C3orf20: variants seen among roughly 807,000 people sequenced by gnomAD.
C3orf20 encodes family with sequence similarity 149 member C.
Under a neutral mutation model 88.3 loss-of-function variants are expected in C3orf20, and 76 were observed. That is an observed-to-expected ratio of 0.86 (90% CI 0.72 to 1.04). The LOEUF (loss-of-function observed/expected upper bound fraction) is 1.04, where lower values mean the gene tolerates loss of function less well. Among genes scored for constraint, C3orf20 ranks in the 50% least tolerant of loss-of-function variants. C3orf20 has a pLI of 0.00. For synonymous variants in C3orf20, 436 were observed against 437.4 expected (o/e 1.00, Z 0.04); for missense variants, 1,056 against 1,123.3 (o/e 0.94, Z 0.86).
rs768861528 is a variant in C3orf20 at position 14,704,393 on chromosome 3, G to A, written c.935G>A (p.Arg312Gln). ...GRNISYPMIL[R>Q]NYKAKMPSHL... ...AATATCTCCTACCCCATGATCTTAC[G>A]AAACTACAAGGCAAAGATGCCCTCT... is the stretch of plus-strand genomic sequence containing the variant. Residue 312 changes from arginine (R) to glutamine (Q), a missense_variant, in exon 7 of 17, where the codon CGA (arginine) becomes CAA (glutamine). Transcript: ENST00000253697. The A allele has an allele frequency of 4.3e-5, 70 of 1,613,964 alleles. No individual in the cohort carries two copies. The highest frequency in any genetic ancestry group is 1.6e-4 in the Middle Eastern group (1 of 6,084).
intron 4 of C3orf20, 37 bp downstream of exon 4, chr3:14,684,419 C>A: frequency 6.2e-7 from 1 of 1,600,216 alleles, no homozygotes; most frequent in Non-Finnish European, 8.5e-7. Flanking sequence ...GTAAGAAGTG[C>A]AAACAATATC....
chr3:14,738,630 CTTTT>C (rs34407504), intron 12 of C3orf20, among the ~76,000 whole-genome samples: 1 of 73,482 alleles, frequency 1.4e-5, no homozygotes, highest in African/African-American at 6.3e-5. Context: ...CATGCCCGGC[CTTTT>C]TTTTTTTTTT....
rs3034633 is a variant in C3orf20, at chr3:14,689,085, G to GTA, written c.626-901_626-900dup. ...AGGGATCATTGGAGCAGAGGTCTCA[G>GTA]TATATATATATAGCTCTTCTTCTGA... On this transcript the variant is annotated intron_variant, in intron 4 of 16. Coordinates refer to ENST00000253697, the MANE Select transcript of C3orf20 (RefSeq NM_032137.5). Among the ~76,000 whole-genome samples, 1,432 of 151,916 alleles carry GTA rather than the reference G, an allele frequency of 9.4e-3. 23 individuals are homozygous for GTA. Among genetic ancestry groups the GTA allele is most frequent in the African/African-American group, 0.033 (1,345 of 41,384 alleles).
chr3:14,700,887 C>T (rs1428690350), intron 5 of C3orf20, among the ~76,000 whole-genome samples: 1 of 152,238 alleles, frequency 6.6e-6, no homozygotes, highest in Non-Finnish European at 1.5e-5. Flanking sequence ...GCTATTCCAC[C>T]TCACCTGCTG....
chr3:14,768,702 G>T lies in C3orf20; in HGVS notation c.2496-3365G>T, dbSNP rs1409821166. On this transcript the variant is annotated intron_variant, in intron 15 of 16. Coordinates refer to ENST00000253697, the MANE Select transcript of C3orf20 (RefSeq NM_032137.5). The surrounding 1 kb of genome is among the most constrained non-coding windows in gnomAD (Gnocchi z 4.1). ...AGTAGAGAGAAATTACCTTCCTGAA[G>T]TAGACCAGGGGCTCAGAAATAGTGG... Among the ~76,000 whole-genome samples the T allele has an allele frequency of 2.0e-5, 3 of 151,986 alleles. No individual in the cohort carries two copies.
At chr3:14,712,178 G>A (rs1386669491) in intron 7 of C3orf20, among the ~76,000 whole-genome samples, 53 of 108,982 alleles carry the variant, frequency 4.9e-4, no homozygotes, top group African/African-American at 1.7e-3. Context: ...ACACACGCGC[G>A]CGCGCACACA....
chr3:14,681,115 T>C (rs1055564552), intron 1 of C3orf20, among the ~76,000 whole-genome samples: 2 of 152,214 alleles, frequency 1.3e-5, no homozygotes, highest in Non-Finnish European at 2.9e-5. Flanking sequence ...GTGTGGTGTT[T>C]GGAAAGGCCT....
chr3:14,770,348 G>A (rs538251562), intron 15 of C3orf20, among the ~76,000 whole-genome samples: 1 of 152,266 alleles, frequency 6.6e-6, no homozygotes, highest in East Asian at 1.9e-4. Flanking sequence ...CCCGGTCTCG[G>A]CATTTCTTGG....
chr3:14,755,632 A>T (rs1283218374), intron 12 of C3orf20, among the ~76,000 whole-genome samples: 1 of 152,210 alleles, frequency 6.6e-6, no homozygotes, highest in Non-Finnish European at 1.5e-5. Context: ...TTGTTTCAGG[A>T]TGTCCTGGTT....
chr3:14,688,540 A>AAG (rs2032557457), intron 4 of C3orf20, among the ~76,000 whole-genome samples: 1 of 151,074 alleles, frequency 6.6e-6, no homozygotes, highest in Non-Finnish European at 1.5e-5. Context: ...AAAAAAAAAA[A>AAG]AAAAAAGAAA....
Position 14,772,677 on chromosome 3 carries a change from A to T in C3orf20, c.2631-114A>T. On this transcript the variant is annotated intron_variant, in intron 16 of 16. Transcript: ENST00000253697. The surrounding 1 kb of genome is among the most constrained non-coding windows in gnomAD (Gnocchi z 4.2). ...CCCTCTGGTTGGAACAGCACCCAAC[A>T]GCCTCACCTGTGCAAGGGAGAGGGC... is the stretch of plus-strand genomic sequence containing the variant. 1.3e-6 allele frequency: 1 copy of T among 774,438 alleles called. No homozygotes were observed. Among genetic ancestry groups the T allele is most frequent in the Non-Finnish European group, 2.2e-6 (1 of 460,062 alleles). 48.0% of individuals were successfully genotyped at this position (774,438 alleles called of 1,614,324 possible).
chr3:14,745,409 G>A (rs911762851), intron 12 of C3orf20, among the ~76,000 whole-genome samples: 9 of 152,182 alleles, frequency 5.9e-5, no homozygotes, highest in East Asian at 1.9e-4. Context: ...TATTTCTTCC[G>A]CTTTGCTGGC....
intron 5 of C3orf20, among the ~76,000 whole-genome samples, chr3:14,698,134 A>G (rs9835116): frequency 6.6e-6 from 1 of 151,480 alleles, no homozygotes; most frequent in Non-Finnish European, 1.5e-5. Context: ...GAATCTCCAC[A>G]CTGTCTTCAA....
rs1269129004 is a variant in C3orf20, at chr3:14,703,144, A to G, written c.760A>G (p.Thr254Ala). 83 of 1,614,016 alleles carry G rather than the reference A, an allele frequency of 5.1e-5. No homozygotes were observed. The highest frequency in any genetic ancestry group is 6.6e-5 in the Non-Finnish European group (78 of 1,180,034). The change falls in exon 6 of 17, where the codon ACA (threonine) becomes GCA (alanine). Residue 254 changes from threonine (T) to alanine (A), a missense_variant. By Grantham distance (58) the Thr-to-Ala change is moderately conservative (BLOSUM62 0). Transcript: ENST00000253697. ...TCCAACTACAGGCAAATCTAGAACT[A>G]CAGAAGATGTCAGCATGCCGCCCCT... ...AKKKIGKSRT[T>A]EDVSMPPLHR...
At chr3:14,744,132 C>T (rs1178051803) in intron 12 of C3orf20, among the ~76,000 whole-genome samples, 1 of 151,996 alleles carries the variant, frequency 6.6e-6, no homozygotes, top group Admixed American at 6.5e-5. Context: ...TGCTCTGCTT[C>T]CCTTATAAAA....
chr3:14,704,592 C>T lies in C3orf20; in HGVS notation c.1134C>T (p.Thr378=). 6.2e-7 allele frequency: 1 copy of T among 1,613,994 alleles called. No homozygotes were observed. Among genetic ancestry groups the T allele is most frequent in the Non-Finnish European group, 8.5e-7 (1 of 1,180,026 alleles). Residue 378 remains threonine, a synonymous_variant, in exon 7 of 17, where the codon ACC becomes ACT. Transcript: ENST00000253697. ...APKKAFKFHY[T]FYDGSSFVYY... ...AGAAGGCCTTCAAGTTTCATTACAC[C>T]TTCTATGATGGCTCCTCCTTCGTTT...
intron 15 of C3orf20, 123 bp downstream of exon 15, chr3:14,761,738 G>A: frequency 1.1e-6 from 1 of 951,680 alleles, no homozygotes. Context: ...GGAGTGGGGA[G>A]GGGGGCTGGA....
At chr3:14,729,139 A>G (rs958554941) in intron 12 of C3orf20, among the ~76,000 whole-genome samples, 17 of 152,248 alleles carry the variant, frequency 1.1e-4, no homozygotes, top group Non-Finnish European at 2.4e-4. Context: ...ATTGAGGGTC[A>G]GGCCTGCAAA....
chr3:14,730,274 G>A (rs2034494711), intron 12 of C3orf20, among the ~76,000 whole-genome samples: 1 of 152,164 alleles, frequency 6.6e-6, no homozygotes, highest in Non-Finnish European at 1.5e-5. Flanking sequence ...TAGGCCGGGT[G>A]CGGTGGCCCA....
Sources: allele counts gnomAD v4.1 joint callset (sites outside exome capture counted in the v4.1 genomes callset), GRCh38; gene constraint gnomAD v4.1.1; non-coding constraint Gnocchi (gnomAD v3.1); transcripts MANE v1.5; gene names NCBI Gene and HGNC (gene_info 2026-07-23, HGNC 2026-07-21).